The following IGF2BP1 variants were observed in gnomAD, a reference collection of about 807,000 sequenced individuals.
IGF2BP1 encodes the protein insulin like growth factor 2 mRNA binding protein 1.
IGF2BP1 carries 11 observed loss-of-function variants against 74.9 expected under a neutral mutation model. The observed-to-expected ratio is 0.15, with a 90% confidence interval of 0.09 to 0.24. The LOEUF is 0.24. Among genes scored for constraint, IGF2BP1 ranks in the 10% least tolerant of loss-of-function variants. IGF2BP1 has a pLI of 1.00. For synonymous variants in IGF2BP1, 287 were observed against 281.8 expected, an observed-to-expected ratio of 1.02 and a Z score of -0.18; for missense variants, 440 against 757.4, an observed-to-expected ratio of 0.58 and a Z score of 4.92.
chr17:49,008,722 G>A (rs1320942756), intron 2 of IGF2BP1, among the ~76,000 whole-genome samples: 2 of 152,030 alleles, frequency 1.3e-5, no homozygotes, highest in African/African-American at 4.8e-5. Context: ...AGTGTGTGTG[G>A]GGTCCTTGCC....
At chr17:49,032,019 T>G in intron 5 of IGF2BP1, 46 bp downstream of exon 5, 1 of 1,477,436 alleles carries the variant, frequency 6.8e-7, no homozygotes, top group Non-Finnish European at 9.4e-7. Context: ...GGGGGGGTTC[T>G]GTGAAGGGTG....
At chr17:49,018,212 T>C (rs2041732901) in intron 2 of IGF2BP1, among the ~76,000 whole-genome samples, 1 of 152,056 alleles carries the variant, frequency 6.6e-6, no homozygotes, top group African/African-American at 2.4e-5. Context: ...ATAACAACAA[T>C]AACAACAAAA....
intron 11 of IGF2BP1, 54 bp from the exon 12 acceptor site, chr17:49,044,936 AT>A: frequency 7.0e-7 from 1 of 1,436,620 alleles, no homozygotes; most frequent in Non-Finnish European, 9.8e-7. Flanking sequence ...TGAAGTGGAC[AT>A]GGTGGGGGTC....
intron 2 of IGF2BP1, among the ~76,000 whole-genome samples, chr17:49,008,259 T>A (rs963017566): frequency 6.6e-6 from 1 of 152,098 alleles, no homozygotes; most frequent in African/African-American, 2.4e-5. Context: ...AGCCAGTGTA[T>A]TCCAAACAAG....
intron 2 of IGF2BP1, chr17:49,014,835 G>T (rs2041673834): frequency 1.0e-6 from 1 of 985,290 alleles, no homozygotes. Context: ...CTCATGGTGC[G>T]GTGGGAAGCT....
rs1232675361 is a variant in IGF2BP1 at position 48,997,405 on chromosome 17, C to G, written c.-341C>G. On this transcript the variant is annotated 5_prime_UTR_variant, in exon 1 of 15. Coordinates refer to ENST00000290341, the MANE Select transcript of IGF2BP1 (RefSeq NM_006546.4). This position sits in a 1 kb window ranked among gnomAD's most constrained non-coding sequence, Gnocchi z 4.8. ...TTTTCCGCTCCATTTTTTTTCAAGTCGATTTTATTTAGAGGCGGCGCCAGG... is the reference window on the plus strand; with the variant it reads ...TTTTCCGCTCCATTTTTTTTCAAGTGGATTTTATTTAGAGGCGGCGCCAGG... The G allele has an allele frequency of 1.8e-5, 2 of 109,540 alleles. No homozygotes were observed. The highest frequency in any genetic ancestry group is 3.7e-5 in the African/African-American group (1 of 26,698). The allele number at this position is 109,540 out of a possible 1,614,324, so 6.8% of individuals were successfully genotyped here. A position where few individuals can be genotyped will look rare whatever the true frequency, so the allele number is the denominator to read the frequency against.
chr17:49,019,344 GT>G (rs2041747026), intron 2 of IGF2BP1, among the ~76,000 whole-genome samples: 1 of 152,024 alleles, frequency 6.6e-6, no homozygotes, highest in South Asian at 2.1e-4. Context: ...GCTCCTCAAG[GT>G]TCTGGATTCT....
chr17:49,025,310 CAAAGTGTG>C (rs2041837393), intron 2 of IGF2BP1, among the ~76,000 whole-genome samples: 1 of 98,834 alleles, frequency 1.0e-5, no homozygotes, highest in Non-Finnish European at 2.3e-5. Context: ...GTGGGACAAA[CAAAGTGTG>C]TGTGTGTGTG....
In IGF2BP1 at chr17:49,044,224, G is replaced by A. The variant is rs1229251530; in HGVS notation, c.1320+138G>A. The A allele has an allele frequency of 8.7e-6, 11 of 1,261,902 alleles. No homozygotes were observed. The East Asian group carries it at 1.2e-4, about 14-fold the overall frequency. 78.2% of individuals were successfully genotyped at this position (1,261,902 alleles called of 1,614,324 possible). A position where few individuals can be genotyped will look rare whatever the true frequency, so the allele number is the denominator to read the frequency against. On this transcript the variant is annotated intron_variant, in intron 11 of 14. Transcript: ENST00000290341. ...TGAGGGACCTTTCCCCCATGGAATC[G>A]AAGTCCTCTTTGTTTTTGATCTTGC...
intron 2 of IGF2BP1, 55 bp from the exon 3 acceptor site, chr17:49,025,563 C>G (rs1278914838): frequency 1.1e-5 from 16 of 1,497,148 alleles, no homozygotes; most frequent in Non-Finnish European, 1.5e-5. Flanking sequence ...TGCGAGTTCA[C>G]AGACCCCTAA....
chr17:49,031,605 C>G (rs749967606), intron 4 of IGF2BP1, among the ~76,000 whole-genome samples: 1 of 151,552 alleles, frequency 6.6e-6, no homozygotes, highest in Non-Finnish European at 1.5e-5. Context: ...TCAAGTGATT[C>G]AAGCAGTTCT....
rs1429335983 is a variant in IGF2BP1 at position 49,049,347 on chromosome 17, T to C, written c.1642-5T>C. 6.2e-7 allele frequency: 1 copy of C among 1,613,836 alleles called. No individual in the cohort carries two copies. The highest frequency in any genetic ancestry group is 1.3e-5 in the African/African-American group (1 of 74,942). ...CACCCACTCTCTTGCCTGTTCTTGC[T>C]GCAGATGGCTCAACGGAAGATCCGA... On this transcript the variant is annotated splice_polypyrimidine_tract_variant and splice_region_variant and intron_variant, in intron 14 of 14. Transcript: ENST00000290341.
chr17:49,013,981 C>G (rs926746785), intron 2 of IGF2BP1: 2 of 152,554 alleles, frequency 1.3e-5, no homozygotes, highest in Non-Finnish European at 2.9e-5. Flanking sequence ...GCGCTGCGGC[C>G]TCAGCCCACC....
chr17:49,017,558 TAA>T (rs1225923068), intron 2 of IGF2BP1, among the ~76,000 whole-genome samples: 5 of 152,182 alleles, frequency 3.3e-5, no homozygotes, highest in Non-Finnish European at 7.3e-5. Context: ...GGAGGGTACT[TAA>T]GTTTTAGAAA....
At chr17:49,026,399 C>A in intron 3 of IGF2BP1, 67 bp from the exon 4 acceptor site, 1 of 1,409,064 alleles carries the variant, frequency 7.1e-7, no homozygotes, top group Non-Finnish European at 1.0e-6. Context: ...TGCAGGGTGT[C>A]CAGTGGCTGC....
At position 49,044,331 on chromosome 17, in the gene IGF2BP1, G is replaced by A. The variant is rs567731264; in HGVS notation, c.1320+245G>A. On this transcript the variant is annotated intron_variant, in intron 11 of 14. Coordinates refer to ENST00000290341, the MANE Select transcript of IGF2BP1 (RefSeq NM_006546.4). ...GGTTATAACATAGAAAGAGAACTTA[G>A]GTTCTAACACAAACTGATGGGTTCA... is the stretch of plus-strand genomic sequence containing the variant. Among the ~76,000 whole-genome samples the A allele has an allele frequency of 2.6e-5, 4 of 152,270 alleles. No homozygotes were observed. In the South Asian group the frequency reaches 8.3e-4, roughly 32 times the overall value.
chr17:49,004,020 TC>T (rs1462430287), intron 2 of IGF2BP1, among the ~76,000 whole-genome samples: 6 of 152,060 alleles, frequency 3.9e-5, no homozygotes, highest in Non-Finnish European at 8.8e-5. Flanking sequence ...TGCAGGCTCT[TC>T]CTGGAGCGCT....
At chr17:49,042,148 G>T in intron 8 of IGF2BP1, 94 bp from the exon 9 acceptor site, 5 of 1,501,722 alleles carry the variant, frequency 3.3e-6, no homozygotes, top group Admixed American at 1.9e-5. Flanking sequence ...CAGAAATGGT[G>T]GGCCTGTGAC....
intron 2 of IGF2BP1, among the ~76,000 whole-genome samples, chr17:49,025,269 C>T (rs2041836555): frequency 1.3e-5 from 2 of 150,950 alleles, no homozygotes; most frequent in Admixed American, 1.3e-4. Context: ...GTCATGGTAA[C>T]CTGCTTACTG....
Sources: gnomAD v4.1 joint callset for allele counts (sites outside exome capture counted in the v4.1 genomes callset) on GRCh38, gnomAD v4.1.1 for gene constraint, Gnocchi (gnomAD v3.1) non-coding constraint, MANE v1.5 for transcripts, NCBI Gene and HGNC (gene_info 2026-07-23, HGNC 2026-07-21) for gene names.